Variants in IFI44L observed in about 807,000 individuals in gnomAD.
IFI44L encodes interferon induced protein 44 like.
In IFI44L, 40 loss-of-function variants were observed where a neutral mutation model predicts 39.3. The observed-to-expected ratio is 1.02, with a 90% confidence interval of 0.79 to 1.33. IFI44L has a LOEUF of 1.33. IFI44L is among the 40% of genes most tolerant of loss of function. The pLI is 0.00. For missense variants in IFI44L, 623 were observed against 549.0 expected, an observed-to-expected ratio of 1.13 and a Z score of -1.35; for synonymous variants, 198 against 182.3, an observed-to-expected ratio of 1.09 and a Z score of -0.69.
At position 78,641,488 on chromosome 1, in the gene IFI44L, T is replaced by G. The variant is rs577528905; in HGVS notation, c.1203T>G (p.Val401=). ...LGIPISNILM[V]GNYASDLELD... Reference sequence around the variant, plus strand: ...TTCCTATTTCCAATATTTTGATGGTTGGAAATTATGCTTCAGATTTGGAAC... The same window carrying G: ...TTCCTATTTCCAATATTTTGATGGTGGGAAATTATGCTTCAGATTTGGAAC... The change falls in exon 8 of 9, where the codon GTT becomes GTG. Residue 401 remains valine, a synonymous_variant. Coordinates refer to ENST00000370751, the MANE Select transcript of IFI44L (RefSeq NM_006820.4). The G allele has an allele frequency of 6.2e-7, 1 of 1,613,658 alleles. No homozygotes were observed. Among genetic ancestry groups the G allele is most frequent in the African/African-American group, 1.3e-5 (1 of 75,024 alleles).
Position 78,641,481 on chromosome 1 carries a change from T to C in IFI44L, c.1196T>C (p.Leu399Ser). 1 of 1,613,512 alleles carries C rather than the reference T, an allele frequency of 6.2e-7. No homozygotes were observed. Among genetic ancestry groups the C allele is most frequent in the East Asian group, 2.2e-5 (1 of 44,880 alleles). ...KMLGIPISNI[L>S]MVGNYASDLE... ...CTAGGCATTCCTATTTCCAATATTT[T>C]GATGGTTGGAAATTATGCTTCAGAT... is the stretch of plus-strand genomic sequence containing the variant. The change falls in exon 8 of 9, where the codon TTG (leucine) becomes TCG (serine). Residue 399 changes from leucine (L) to serine (S), a missense_variant. Physicochemically the swap from Leu to Ser is moderately radical, Grantham distance 145 (BLOSUM62 -2). Coordinates refer to ENST00000370751, the MANE Select transcript of IFI44L (RefSeq NM_006820.4).
chr1:78,638,571 A>T (rs1298498300), intron 6 of IFI44L, among the ~76,000 whole-genome samples: 1 of 152,100 alleles, frequency 6.6e-6, no homozygotes, highest in Non-Finnish European at 1.5e-5. Context: ...TCACTTGTTC[A>T]TCACTTTGCC....
chr1:78,629,632 G>A, intron 3 of IFI44L, 88 bp from the exon 4 acceptor site: 1 of 857,312 alleles, frequency 1.2e-6, no homozygotes, highest in Admixed American at 2.7e-5. Context: ...TCAGGGAAGA[G>A]AAAGAAGCTC....
In IFI44L at chr1:78,622,264, C is replaced by T. The variant is rs556060987; in HGVS notation, c.-11+1693C>T. On this transcript the variant is annotated intron_variant, in intron 1 of 8. Coordinates refer to ENST00000370751, the MANE Select transcript of IFI44L (RefSeq NM_006820.4). ...TGTTGCTGCAAATGACATGATTTTACTGTTTTTATAGCTAAATAGTATTCC... is the reference window on the plus strand; with the variant it reads ...TGTTGCTGCAAATGACATGATTTTATTGTTTTTATAGCTAAATAGTATTCC... Among the ~76,000 whole-genome samples, 141 of 152,218 alleles carry T rather than the reference C, an allele frequency of 9.3e-4. 1 individual carries two copies. The highest frequency in any genetic ancestry group is 3.3e-3 in the African/African-American group (139 of 41,560).
chr1:78,630,614 G>A (rs1354556675), intron 4 of IFI44L, among the ~76,000 whole-genome samples: 1 of 152,052 alleles, frequency 6.6e-6, no homozygotes, highest in Admixed American at 6.6e-5. Context: ...CTTTTTTAAT[G>A]ATTACCACAA....
At chr1:78,641,200 C>G in intron 7 of IFI44L, 79 bp downstream of exon 7, 3 of 1,043,106 alleles carry the variant, frequency 2.9e-6, no homozygotes, top group South Asian at 2.6e-5. Context: ...TGTGTCTGTA[C>G]GTGTATATGT....
chr1:78,635,325 T>G lies in IFI44L; in HGVS notation c.724-12T>G. ...TGAATGAACCTTTACACTTAATGTA[T>G]TTTTTTAACAGTATAGGATATATTC... On this transcript the variant is annotated splice_polypyrimidine_tract_variant and intron_variant, in intron 4 of 8. Transcript: ENST00000370751. The G allele has an allele frequency of 1.3e-6, 2 of 1,558,652 alleles. No homozygotes were observed. The highest frequency in any genetic ancestry group is 1.8e-6 in the Non-Finnish European group (2 of 1,134,456).
rs898665597 is a variant in IFI44L at position 78,641,705 on chromosome 1, G to T, written c.1325-70G>T. On this transcript the variant is annotated intron_variant, in intron 8 of 8. Transcript: ENST00000370751. ...GTTATTAGATGACTGGGGCCCACCT[G>T]CATGCCCTAGTCCTGAAAGCTACAT... 3.1e-6 allele frequency: 5 copies of T among 1,605,338 alleles called. No individual in the cohort carries two copies. The African/African-American group carries it at 5.4e-5, about 17-fold the overall frequency.
At chr1:78,635,080 TC>T in intron 4 of IFI44L, among the ~76,000 whole-genome samples, 1 of 151,866 alleles carries the variant, frequency 6.6e-6, no homozygotes, top group African/African-American at 2.4e-5. Context: ...CATAGAAATT[TC>T]TTTTTTAATT....
chr1:78,630,218 A>G (rs1229450936), intron 4 of IFI44L: 1 of 233,692 alleles, frequency 4.3e-6, no homozygotes, highest in Non-Finnish European at 8.3e-6. Flanking sequence ...CATTTTACTC[A>G]TGTACTACAT....
chr1:78,626,151 A>G (rs1421919796), intron 1 of IFI44L: 10 of 151,788 alleles, frequency 6.6e-5, no homozygotes, highest in African/African-American at 2.2e-4. Flanking sequence ...TTTTGTCTCA[A>G]TACTTCAGTT....
chr1:78,641,141 A>G lies in IFI44L; in HGVS notation c.1149+20A>G. 1 of 1,483,726 alleles carries G rather than the reference A, an allele frequency of 6.7e-7. No homozygotes were observed. The allele number at this position is 1,483,726 out of a possible 1,614,324, so 91.9% of individuals were successfully genotyped here. ...AGCCGGGTAAAAAATGCTGATCATA[A>G]CCAGATATTATTGTAATAGTATCAC... On this transcript the variant is annotated intron_variant, in intron 7 of 8. Transcript: ENST00000370751.
chr1:78,630,179 G>T, intron 4 of IFI44L: 1 of 344,504 alleles, frequency 2.9e-6, no homozygotes, highest in Non-Finnish European at 5.3e-6. Context: ...AAAACCCTAT[G>T]AAAATCTTTG....
In IFI44L at chr1:78,622,555, C is replaced by T. The variant is rs373126305; in HGVS notation, c.-11+1984C>T. ...CTATTTTTTTTTTAATACTCATGTC[C>T]GTGTATAATCCCCCCTTGTCTGTGG... On this transcript the variant is annotated intron_variant, in intron 1 of 8. Transcript: ENST00000370751. Among the ~76,000 whole-genome samples, 9 of 151,828 alleles carry T rather than the reference C, an allele frequency of 5.9e-5. No homozygotes were observed. In the East Asian group the frequency reaches 9.7e-4, roughly 16 times the overall value.
intron 3 of IFI44L, among the ~76,000 whole-genome samples, chr1:78,629,265 C>G (rs1652623347): frequency 6.6e-6 from 1 of 152,154 alleles, no homozygotes; most frequent in Non-Finnish European, 1.5e-5. Context: ...GGTAATTTCT[C>G]TGAATCCTTT....
intron 6 of IFI44L, among the ~76,000 whole-genome samples, chr1:78,640,140 A>G (rs1646965574): frequency 6.6e-6 from 1 of 152,120 alleles, no homozygotes; most frequent in Admixed American, 6.6e-5. Context: ...AAGTTTTAAA[A>G]TGACTTTTCA....
intron 7 of IFI44L, 135 bp downstream of exon 7, chr1:78,641,256 CT>C: frequency 1.2e-6 from 1 of 858,074 alleles, no homozygotes; most frequent in Non-Finnish European, 1.8e-6. Flanking sequence ...GGATCAATTG[CT>C]TGATTAATTC....
At chr1:78,638,328 C>A (rs992481187) in intron 6 of IFI44L, among the ~76,000 whole-genome samples, 1 of 151,934 alleles carries the variant, frequency 6.6e-6, no homozygotes, top group African/African-American at 2.4e-5. Context: ...TCTATAAATC[C>A]TAAATATGAG....
rs754252648 is a variant in IFI44L, at chr1:78,637,193, A to G, written c.1038A>G (p.Val346=). The change falls in exon 6 of 9, where the codon GTA becomes GTG. Residue 346 remains valine, a synonymous_variant. Coordinates refer to ENST00000370751, the MANE Select transcript of IFI44L (RefSeq NM_006820.4). The stretch of plus-strand genomic sequence containing the variant: ...AAGTGAAGCAAGTTCACAAAGAAGT[A>G]TTAAACTGTGGTGAGTCTCACTGAA... ...LAKVKQVHKE[V]LNCGIAYVAL... 66 of 1,604,556 alleles carry G rather than the reference A, an allele frequency of 4.1e-5. No homozygotes were observed. Among genetic ancestry groups the G allele is most frequent in the Non-Finnish European group, 5.4e-5 (64 of 1,176,670 alleles).
Sources: gnomAD v4.1 joint callset for allele counts (sites outside exome capture counted in the v4.1 genomes callset) on GRCh38, gnomAD v4.1.1 for gene constraint, MANE v1.5 for transcripts, NCBI Gene and HGNC (gene_info 2026-07-23, HGNC 2026-07-21) for gene names.